CLSTN2: variants seen among roughly 807,000 people sequenced by gnomAD.
CLSTN2 encodes calsyntenin 2, also known as calsyntenin-2.
Under a neutral mutation model 101.2 loss-of-function variants are expected in CLSTN2, and 48 were observed. The ratio of observed to expected loss-of-function variants is 0.47; its 90% CI spans 0.38 to 0.60. The LOEUF (loss-of-function observed/expected upper bound fraction) is 0.60. CLSTN2 is among the 20% of genes least tolerant of loss of function. The pLI is 0.00. For missense variants in CLSTN2, 1,160 were observed against 1,238.2 expected (o/e 0.94, Z 0.95); for synonymous variants, 481 against 463.6 (o/e 1.04, Z -0.48).
chr3:140,518,504 T>A (rs1175482989), intron 8 of CLSTN2, among the ~76,000 whole-genome samples: 1 of 152,242 alleles, frequency 6.6e-6, no homozygotes, highest in East Asian at 1.9e-4. Context: ...CCTACTCCTG[T>A]TTTTCACTTG....
At chr3:140,415,283 A>G (rs1462498112) in intron 4 of CLSTN2, among the ~76,000 whole-genome samples, 1 of 152,050 alleles carries the variant, frequency 6.6e-6, no homozygotes, top group Non-Finnish European at 1.5e-5. Flanking sequence ...TAGTGGCAAC[A>G]ATTTTTTAAT....
At chr3:140,457,823 T>C (rs1341248448) in intron 6 of CLSTN2, among the ~76,000 whole-genome samples, 5 of 152,182 alleles carry the variant, frequency 3.3e-5, no homozygotes, top group Non-Finnish European at 2.9e-5. Context: ...GAAATACTCA[T>C]GTAAATGATG....
chr3:140,014,113 G>A (rs2007147398), intron 1 of CLSTN2, among the ~76,000 whole-genome samples: 1 of 152,252 alleles, frequency 6.6e-6, no homozygotes, highest in South Asian at 2.1e-4. Flanking sequence ...GCCATTGTCA[G>A]GGGTGGCACT....
At chr3:140,197,427 A>C (rs568944386) in intron 2 of CLSTN2, among the ~76,000 whole-genome samples, 2 of 152,358 alleles carry the variant, frequency 1.3e-5, no homozygotes, top group Admixed American at 1.3e-4. Flanking sequence ...CATTTTCACC[A>C]ATCACATGAG....
At chr3:140,208,743 T>C (rs1295350420) in intron 2 of CLSTN2, among the ~76,000 whole-genome samples, 1 of 152,204 alleles carries the variant, frequency 6.6e-6, no homozygotes, top group African/African-American at 2.4e-5. Context: ...CTTTTTTAGT[T>C]CATTCTCTGG....
At chr3:140,272,291 G>A (rs551133240) in intron 2 of CLSTN2, among the ~76,000 whole-genome samples, 36 of 152,286 alleles carry the variant, frequency 2.4e-4, no homozygotes, top group Non-Finnish European at 2.1e-4. Context: ...GCTGGCTGCC[G>A]TTTGTTCCTC....
At chr3:140,131,078 C>T (rs2009515610) in intron 1 of CLSTN2, among the ~76,000 whole-genome samples, 1 of 151,926 alleles carries the variant, frequency 6.6e-6, no homozygotes, top group African/African-American at 2.4e-5. Flanking sequence ...AAATGAAGAA[C>T]TTTCTTGTCA....
rs71637079 is a variant in CLSTN2 at position 140,490,117 on chromosome 3, TACACACACACACAC to T, written c.1344+23418_1344+23431del. Among the ~76,000 whole-genome samples, 8 of 1,958 alleles carry T rather than the reference TACACACACACACAC, an allele frequency of 4.1e-3. 1 individual carries two copies. Among genetic ancestry groups the T allele is most frequent in the East Asian group, 0.019 (1 of 52 alleles). The allele number at this position is 1,958 out of a possible 152,430, so 1.3% of individuals were successfully genotyped here. On this transcript the variant is annotated intron_variant, in intron 8 of 16. Coordinates refer to ENST00000458420, the MANE Select transcript of CLSTN2 (RefSeq NM_022131.3). ...ATATATATATATATATATATATATA[TACACACACACACAC>T]ACACACACACACACACACACACACA... is the stretch of plus-strand genomic sequence containing the variant.
chr3:140,269,009 C>A (rs55824862), intron 2 of CLSTN2, among the ~76,000 whole-genome samples: 5,199 of 152,200 alleles, frequency 0.034, 188 homozygotes, highest in African/African-American at 0.085. Flanking sequence ...TGATCAGGGA[C>A]GTCTTGAATA....
At chr3:140,156,195 AAG>A (rs1276856245) in intron 1 of CLSTN2, among the ~76,000 whole-genome samples, 1 of 152,156 alleles carries the variant, frequency 6.6e-6, no homozygotes, top group East Asian at 1.9e-4. Flanking sequence ...TGTGTTGAGA[AAG>A]AGTCTGAGGT....
At chr3:140,490,978 G>A (rs1934343442) in intron 8 of CLSTN2, among the ~76,000 whole-genome samples, 1 of 152,196 alleles carries the variant, frequency 6.6e-6, no homozygotes, top group East Asian at 1.9e-4. Flanking sequence ...GAGAGAGGCA[G>A]AACATTGGAA....
intron 1 of CLSTN2, among the ~76,000 whole-genome samples, chr3:140,051,419 A>T (rs1043587958): frequency 3.9e-5 from 6 of 152,146 alleles, no homozygotes; most frequent in African/African-American, 1.4e-4. Flanking sequence ...TTCCCGTTCC[A>T]TCCTCAGCAT....
chr3:140,407,628 G>A (rs1014418675), intron 4 of CLSTN2, among the ~76,000 whole-genome samples: 1 of 152,158 alleles, frequency 6.6e-6, no homozygotes, highest in African/African-American at 2.4e-5. Flanking sequence ...GGATGATTGG[G>A]ACTTGAGATT....
chr3:140,388,501 G>C (rs1336624725), intron 2 of CLSTN2, among the ~76,000 whole-genome samples: 1 of 152,198 alleles, frequency 6.6e-6, no homozygotes, highest in Non-Finnish European at 1.5e-5. Context: ...AGGCACAGAA[G>C]CTTCTACTCT....
At chr3:140,512,812 T>A (rs1351964753) in intron 8 of CLSTN2, among the ~76,000 whole-genome samples, 1 of 152,204 alleles carries the variant, frequency 6.6e-6, no homozygotes, top group African/African-American at 2.4e-5. Context: ...GTAATTCTCC[T>A]TGAAGAGGTC....
At chr3:140,129,455 G>C (rs1175436553) in intron 1 of CLSTN2, among the ~76,000 whole-genome samples, 1 of 152,110 alleles carries the variant, frequency 6.6e-6, no homozygotes, top group Non-Finnish European at 1.5e-5. Context: ...AATCCTTCTT[G>C]GTCTTAGGCT....
rs776630302 is a variant in CLSTN2 at position 140,566,169 on chromosome 3, G to A, written c.2784G>A (p.Glu928=). The A allele has an allele frequency of 1.9e-6, 3 of 1,611,748 alleles. No individual in the cohort carries two copies. The highest frequency in any genetic ancestry group is 1.7e-6 in the Non-Finnish European group (2 of 1,178,788). ...ACGACAGCGAAGAGGAGGAGGAGGA[G>A]GAAGGGATGGGCAGAGGCAGACATG... ...GSDDSEEEEE[E]EGMGRGRHGQ... The change falls in exon 17 of 17, where the codon GAG becomes GAA. Residue 928 remains glutamate, a synonymous_variant. Coordinates refer to ENST00000458420, the MANE Select transcript of CLSTN2 (RefSeq NM_022131.3).
intron 1 of CLSTN2, among the ~76,000 whole-genome samples, chr3:140,171,875 AAT>A (rs1299806727): frequency 2.4e-4 from 30 of 124,660 alleles, no homozygotes; most frequent in South Asian, 6.6e-4. Flanking sequence ...AACAATATAT[AAT>A]ATATATATTA....
At chr3:140,025,715 C>T (rs780158011) in intron 1 of CLSTN2, among the ~76,000 whole-genome samples, 6 of 152,180 alleles carry the variant, frequency 3.9e-5, no homozygotes, top group South Asian at 2.1e-4. Context: ...TAACATATGA[C>T]GCAGTCCTCT....
Sources: allele counts gnomAD v4.1 joint callset (sites outside exome capture counted in the v4.1 genomes callset), GRCh38; gene constraint gnomAD v4.1.1; transcripts MANE v1.5; gene names NCBI Gene and HGNC (gene_info 2026-07-23, HGNC 2026-07-21).